Variants in CACNA1C observed in about 807,000 individuals in gnomAD.
CACNA1C encodes calcium voltage-gated channel subunit alpha1 C, also known as voltage-dependent L-type calcium channel subunit alpha-1C.
A neutral mutation model predicts 229.0 loss-of-function variants in CACNA1C; 30 were observed. That is an observed-to-expected ratio of 0.13 (90% CI 0.10 to 0.18). The LOEUF (loss-of-function observed/expected upper bound fraction) is 0.18. CACNA1C is among the 10% of genes least tolerant of loss of function. The pLI, the probability that CACNA1C is intolerant of heterozygous loss-of-function variation, is 1.00. For missense variants in CACNA1C, 1,658 were observed against 2,845.0 expected, an observed-to-expected ratio of 0.58 and a Z score of 9.49; for synonymous variants, 1,114 against 1,132.5, an observed-to-expected ratio of 0.98 and a Z score of 0.33.
intron 29 of CACNA1C, among the ~76,000 whole-genome samples, chr12:2,615,827 G>C (rs1602198715): frequency 1.3e-5 from 2 of 152,194 alleles, no homozygotes. Context: ...GTACTGGGGG[G>C]GAGGAGCTGC....
At chr12:2,226,124 C>T (rs1035751172) in intron 3 of CACNA1C, among the ~76,000 whole-genome samples, 22 of 83,308 alleles carry the variant, frequency 2.6e-4, no homozygotes, top group African/African-American at 8.3e-4. Context: ...TATGGGGACG[C>T]GCACACACAC....
chr12:2,184,941 G>A (rs1366416363), intron 3 of CACNA1C, among the ~76,000 whole-genome samples: 2 of 152,200 alleles, frequency 1.3e-5, no homozygotes, highest in Non-Finnish European at 2.9e-5. Flanking sequence ...GTATTGAACT[G>A]GGGTTAAAGT....
Position 2,435,098 on chromosome 12 carries a change from C to T in CACNA1C, c.478-13878C>T, listed in dbSNP as rs147447290. Among the ~76,000 whole-genome samples, 135 of 152,294 alleles carry T rather than the reference C, an allele frequency of 8.9e-4. No homozygotes were observed. In the East Asian group the frequency reaches 0.023, roughly 26 times the overall value. On this transcript the variant is annotated intron_variant, in intron 3 of 46. Coordinates refer to ENST00000399655, the MANE Select transcript of CACNA1C (RefSeq NM_000719.7). ...TGCCTGGGCAGAGGCTTTCCCCCAC[C>T]GTGCAGACACTCCAGCAAACAGGGG...
chr12:1,980,098 C>G (rs1393838865), intron 1 of CACNA1C, among the ~76,000 whole-genome samples: 1 of 152,186 alleles, frequency 6.6e-6, no homozygotes, highest in Non-Finnish European at 1.5e-5. Context: ...ATGTCCCCAT[C>G]AATTTCACTC....
Position 2,608,731 on chromosome 12 carries a change from G to A in CACNA1C, c.3558+19G>A, listed in dbSNP as rs919347372. The A allele has an allele frequency of 6.2e-7, 1 of 1,612,144 alleles. No individual in the cohort carries two copies. The highest frequency in any genetic ancestry group is 1.3e-5 in the African/African-American group (1 of 74,898). On this transcript the variant is annotated intron_variant, in intron 27 of 46. Transcript: ENST00000399655. The surrounding 1 kb of genome is among the most constrained non-coding windows in gnomAD (Gnocchi z 4.2). Reference sequence around the variant, plus strand: ...GAACCAGGTAGCTTCCTAGGAAGGAGCGGAGGGAAGCGGGGCCCACGGAGG... The same window carrying A: ...GAACCAGGTAGCTTCCTAGGAAGGAACGGAGGGAAGCGGGGCCCACGGAGG...
At position 2,080,226 on chromosome 12, in the gene CACNA1C, C is replaced by T. The variant is rs141694867; in HGVS notation, c.49+26615C>T. ...ACAGTGAGCTGAGATTGTGCCACTG[C>T]ACTCCAGACTGGATGACAGAGTGAG... On this transcript the variant is annotated intron_variant, in intron 1 of 46. Coordinates refer to ENST00000399655, the MANE Select transcript of CACNA1C (RefSeq NM_000719.7). 0.015 allele frequency among the ~76,000 whole-genome samples: 2,327 copies of T among 152,060 alleles called. 140 individuals are homozygous for T. The East Asian group carries it at 0.22, about 14-fold the overall frequency.
At chr12:2,641,548 A>C in intron 30 of CACNA1C, 1 of 595,046 alleles carries the variant, frequency 1.7e-6, no homozygotes, top group Non-Finnish European at 3.0e-6. Flanking sequence ...TTGCCCTCGG[A>C]GTCCCTTCCA....
Position 2,119,448 on chromosome 12 carries a change from C to T in CACNA1C, c.372-877C>T, listed in dbSNP as rs571492375. 3.9e-3 allele frequency among the ~76,000 whole-genome samples: 591 copies of T among 152,238 alleles called. 3 individuals carry two copies. Among genetic ancestry groups the T allele is most frequent in the Non-Finnish European group, 5.5e-3 (373 of 68,018 alleles). ...CCTTCCATGGAGGGTGTGGGGTGGTCCCGTCGGAAGGGGTATTATCACATT... is the reference window on the plus strand; with the variant it reads ...CCTTCCATGGAGGGTGTGGGGTGGTTCCGTCGGAAGGGGTATTATCACATT... On this transcript the variant is annotated intron_variant, in intron 2 of 46. Coordinates refer to ENST00000399655, the MANE Select transcript of CACNA1C (RefSeq NM_000719.7).
intron 3 of CACNA1C, among the ~76,000 whole-genome samples, chr12:2,365,672 T>G (rs2097701661): frequency 6.6e-6 from 1 of 150,582 alleles, no homozygotes; most frequent in East Asian, 1.9e-4. Flanking sequence ...GAAAACAATA[T>G]TTTTAAAATC....
chr12:2,349,514 C>T (rs529439602), intron 3 of CACNA1C, among the ~76,000 whole-genome samples: 4 of 152,194 alleles, frequency 2.6e-5, no homozygotes, highest in East Asian at 1.9e-4. Context: ...TGAGTAGGGG[C>T]GCAGCATGCA....
chr12:2,402,515 C>G (rs1303842414), intron 3 of CACNA1C, among the ~76,000 whole-genome samples: 1 of 152,222 alleles, frequency 6.6e-6, no homozygotes, highest in African/African-American at 2.4e-5. Flanking sequence ...CCTCACTCTG[C>G]CACTTGCTGC....
At chr12:2,569,570 T>G (rs2053235899) in intron 13 of CACNA1C, among the ~76,000 whole-genome samples, 1 of 152,212 alleles carries the variant, frequency 6.6e-6, no homozygotes. Context: ...TGATGGCCTC[T>G]TTGACTTAGA....
chr12:2,291,607 C>T (rs1021657755), intron 3 of CACNA1C, among the ~76,000 whole-genome samples: 1 of 152,128 alleles, frequency 6.6e-6, no homozygotes, highest in African/African-American at 2.4e-5. Flanking sequence ...ACAGAAGTAC[C>T]CTGCAGTGGA....
In CACNA1C at chr12:2,694,270, G is replaced by A. The variant is rs929797883; in HGVS notation, c.*3071G>A. On this transcript the variant is annotated 3_prime_UTR_variant, in exon 47 of 47. Coordinates refer to ENST00000399655, the MANE Select transcript of CACNA1C (RefSeq NM_000719.7). ...ACCACAGCACAATCTTCCAAGTGAT[G>A]TCTACTCTCCACCTAAAATGGAATT... is the stretch of plus-strand genomic sequence containing the variant. The A allele has an allele frequency of 1.3e-5, 2 of 152,228 alleles. No homozygotes were observed. Among genetic ancestry groups the A allele is most frequent in the African/African-American group, 4.8e-5 (2 of 41,454 alleles). 9.4% of individuals were successfully genotyped at this position (152,228 alleles called of 1,614,324 possible).
At chr12:2,071,627 C>T (rs1213389522) in intron 1 of CACNA1C, among the ~76,000 whole-genome samples, 1 of 152,136 alleles carries the variant, frequency 6.6e-6, no homozygotes, top group East Asian at 1.9e-4. Flanking sequence ...TTTACTCTTT[C>T]TTTTAAATGT....
rs2059819859 is a variant in CACNA1C at position 2,067,515 on chromosome 12, C to T, written c.49+13904C>T. Among the ~76,000 whole-genome samples the T allele has an allele frequency of 6.7e-6, 1 of 149,688 alleles. No homozygotes were observed. The highest frequency in any genetic ancestry group is 1.5e-5 in the Non-Finnish European group (1 of 67,490). On this transcript the variant is annotated intron_variant, in intron 1 of 46. Coordinates refer to ENST00000399655, the MANE Select transcript of CACNA1C (RefSeq NM_000719.7). The surrounding 1 kb of genome is among the most constrained non-coding windows in gnomAD (Gnocchi z 5.3). ...GTGCGTGCCTGTATGTAAGGGCAGG[C>T]ACATGAAGACAGACTTTATTGGTTT...
At chr12:2,176,076 A>G (rs528553338) in intron 3 of CACNA1C, among the ~76,000 whole-genome samples, 5 of 152,278 alleles carry the variant, frequency 3.3e-5, no homozygotes, top group African/African-American at 1.2e-4. Context: ...TATGGAGGAA[A>G]GCAAAGCAGG....
intron 9 of CACNA1C, among the ~76,000 whole-genome samples, chr12:2,528,769 G>A (rs1489749060): frequency 1.3e-5 from 2 of 152,206 alleles, no homozygotes; most frequent in African/African-American, 4.8e-5. Context: ...AAAGGTGATT[G>A]GGGGTAAGGA....
At chr12:2,429,914 G>A (rs1217768216) in intron 3 of CACNA1C, among the ~76,000 whole-genome samples, 1 of 152,196 alleles carries the variant, frequency 6.6e-6, no homozygotes, top group African/African-American at 2.4e-5. Context: ...AGAGATTTGA[G>A]CAGCGCCTTA....
Sources: allele counts gnomAD v4.1 joint callset (sites outside exome capture counted in the v4.1 genomes callset), GRCh38; gene constraint gnomAD v4.1.1; non-coding constraint Gnocchi (gnomAD v3.1); transcripts MANE v1.5; gene names NCBI Gene and HGNC (gene_info 2026-07-23, HGNC 2026-07-21).